PLCD4: variants seen among roughly 807,000 people sequenced by gnomAD.
PLCD4 encodes the protein phospholipase C delta 4.
Under a neutral mutation model 90.2 loss-of-function variants are expected in PLCD4, and 63 were observed. The observed-to-expected ratio is 0.70, with a 90% CI of 0.57 to 0.86. The LOEUF is 0.86. Ranked by LOEUF, PLCD4 falls within the 40% of genes least tolerant of loss-of-function variation. The probability of loss-of-function intolerance (pLI) is 0.00; values close to 1 mark genes in which losing one functional copy is unlikely to be tolerated. For missense variants in PLCD4, 830 were observed against 956.3 expected, an observed-to-expected ratio of 0.87 and a Z score of 1.74; for synonymous variants, 294 against 356.5, an observed-to-expected ratio of 0.82 and a Z score of 1.97.
intron 1 of PLCD4, among the ~76,000 whole-genome samples, chr2:218,611,744 G>A (rs1434734527): frequency 6.6e-6 from 1 of 150,862 alleles, no homozygotes; most frequent in East Asian, 2.0e-4. Context: ...GATTACAGGT[G>A]TGCACCACCA....
At chr2:218,614,703 G>T (rs527479132) in intron 1 of PLCD4, among the ~76,000 whole-genome samples, 3 of 151,490 alleles carry the variant, frequency 2.0e-5, no homozygotes, top group African/African-American at 7.3e-5. Context: ...CGCCAGCCTC[G>T]GCCTCCCAAA....
chr2:218,617,080 T>G (rs1429137086), intron 3 of PLCD4, among the ~76,000 whole-genome samples: 1 of 141,784 alleles, frequency 7.1e-6, no homozygotes, highest in Non-Finnish European at 1.6e-5. Flanking sequence ...TTCTCTTGCC[T>G]CAGCCTTCTG....
intron 8 of PLCD4, 65 bp downstream of exon 8, chr2:218,629,728 G>A (rs1178856410): frequency 6.4e-6 from 10 of 1,564,192 alleles, no homozygotes; most frequent in Non-Finnish European, 8.7e-6. Context: ...GACTGGCTCT[G>A]GGTCTGGGGA....
At chr2:218,632,055 T>G in intron 9 of PLCD4, 81 bp from the exon 10 acceptor site, 3 of 1,433,382 alleles carry the variant, frequency 2.1e-6, no homozygotes, top group South Asian at 1.5e-5. Context: ...CCTCTGCCTT[T>G]GAGAACAATG....
At chr2:218,619,902 G>C (rs1481931168) in intron 4 of PLCD4, among the ~76,000 whole-genome samples, 1 of 152,136 alleles carries the variant, frequency 6.6e-6, no homozygotes, top group Non-Finnish European at 1.5e-5. Context: ...ATTTGAGACA[G>C]GGTCTCACTC....
chr2:218,610,477 C>T (rs1167627616), intron 1 of PLCD4, among the ~76,000 whole-genome samples: 4 of 151,740 alleles, frequency 2.6e-5, no homozygotes, highest in Non-Finnish European at 5.9e-5. Context: ...CACTGCACTC[C>T]AGCCTGGGCG....
chr2:218,613,392 CAAAAAAAAAAAAA>C (rs36096465), intron 1 of PLCD4, among the ~76,000 whole-genome samples: 4 of 76,822 alleles, frequency 5.2e-5, no homozygotes, highest in Non-Finnish European at 9.6e-5. Flanking sequence ...AGTCTGTCTC[CAAAAAAAAAAAAA>C]AAAAAAAAGC....
Position 218,622,860 on chromosome 2 carries a change from T to C in PLCD4, c.754T>C (p.Tyr252His). ...SELALELIDR[Y>H]EPSDSGKLRH... ...GCTTGCTCTGGAACTCATTGACCGC[T>C]ATGAACCTTCAGACAGTGGTAAGAG... is the stretch of plus-strand genomic sequence containing the variant. Residue 252 changes from tyrosine to histidine, a missense_variant, in exon 6 of 16, where the codon TAT (tyrosine) becomes CAT (histidine). Transcript: ENST00000450993. 1 of 1,613,780 alleles carries C rather than the reference T, an allele frequency of 6.2e-7. No individual in the cohort carries two copies. Among genetic ancestry groups the C allele is most frequent in the Non-Finnish European group, 8.5e-7 (1 of 1,179,786 alleles).
In PLCD4 at chr2:218,629,585, C is replaced by T. The variant is rs766646994; in HGVS notation, c.1041C>T (p.Val347=). The T allele has an allele frequency of 1.9e-5, 30 of 1,613,496 alleles. No homozygotes were observed. Among genetic ancestry groups the T allele is most frequent in the African/African-American group, 8.0e-5 (6 of 74,786 alleles). The change falls in exon 8 of 16, where the codon GTC becomes GTT. Residue 347 remains valine (V), a synonymous_variant. Transcript: ENST00000450993. ...GGGATGGACCTAGCGGGGAACCTGT[C>T]GTTTACCACGGACACACCCTGACCT... The part of the protein sequence containing the change: ...DVWDGPSGEP[V]VYHGHTLTSR...
At chr2:218,627,952 G>A in intron 6 of PLCD4, 77 bp from the exon 7 acceptor site, 2 of 1,343,608 alleles carry the variant, frequency 1.5e-6, no homozygotes, top group Non-Finnish European at 2.1e-6. Flanking sequence ...TGGAGTGGGA[G>A]GAAGGATGGA....
chr2:218,635,915 CTA>C lies in PLCD4; in HGVS notation c.2018_2019del (p.Tyr673CysfsTer7). ...TAGACACAGCACGGCAGGAGACCAA[CTA>C]TGTGGAGAACAATGGTGAGAAACTG... is the stretch of plus-strand genomic sequence containing the variant. ...RLDTARQETN[Y>X]VENNGFNPYW... On this transcript the variant is annotated frameshift_variant, in exon 14 of 16. Coordinates refer to ENST00000450993, the MANE Select transcript of PLCD4 (RefSeq NM_032726.4). LOFTEE classifies it high-confidence loss of function. 1.2e-6 allele frequency: 2 copies of C among 1,613,998 alleles called. No homozygotes were observed. The highest frequency in any genetic ancestry group is 1.7e-6 in the Non-Finnish European group (2 of 1,179,900).
In PLCD4 at chr2:218,622,870, C is replaced by T; in HGVS notation, c.764C>T (p.Ser255Leu). 1 of 1,613,306 alleles carries T rather than the reference C, an allele frequency of 6.2e-7. No individual in the cohort carries two copies. Among genetic ancestry groups the T allele is most frequent in the South Asian group, 1.1e-5 (1 of 91,062 alleles). The change falls in exon 6 of 16, where the codon TCA (serine) becomes TTA (leucine). Residue 255 changes from serine to leucine, a missense_variant. Coordinates refer to ENST00000450993, the MANE Select transcript of PLCD4 (RefSeq NM_032726.4). ...GAACTCATTGACCGCTATGAACCTTCAGACAGTGGTAAGAGAAATCAGGTG... is the reference window on the plus strand; with the variant it reads ...GAACTCATTGACCGCTATGAACCTTTAGACAGTGGTAAGAGAAATCAGGTG... ...ALELIDRYEP[S>L]DSGKLRHVLS...
chr2:218,636,392 G>A lies in PLCD4; in HGVS notation c.2182G>A (p.Gly728Ser). ...YTLPWTCMQQ[G>S]YRHIHLLSKD... ...CCTGCCTTGGACCTGCATGCAACAA[G>A]GTGAGCCAGCCCCTTTGGCCCCTGG... The change falls in exon 15 of 16, where the codon GGT becomes AGT. Residue 728 changes from glycine (G) to serine (S), a missense_variant and splice_region_variant. Transcript: ENST00000450993. The A allele has an allele frequency of 6.2e-7, 1 of 1,614,042 alleles. No homozygotes were observed. The highest frequency in any genetic ancestry group is 2.2e-5 in the East Asian group (1 of 44,878).
intron 6 of PLCD4, among the ~76,000 whole-genome samples, chr2:218,627,501 A>T (rs533661709): frequency 9.2e-5 from 14 of 151,804 alleles, no homozygotes; most frequent in Non-Finnish European, 2.1e-4. Flanking sequence ...TCTATTGGAT[A>T]GCACTGGACT....
At chr2:218,635,978 G>T in intron 14 of PLCD4, 47 bp downstream of exon 14, 1 of 1,612,934 alleles carries the variant, frequency 6.2e-7, no homozygotes, top group Admixed American at 1.7e-5. Context: ...AGCATGATTA[G>T]TTTTCCTTCT....
intron 8 of PLCD4, 116 bp downstream of exon 8, chr2:218,629,779 T>A: frequency 8.6e-7 from 1 of 1,161,356 alleles, no homozygotes; most frequent in Non-Finnish European, 1.2e-6. Context: ...AAAGAGGATT[T>A]AACTGTAAAG....
At chr2:218,632,031 C>A in intron 9 of PLCD4, 105 bp from the exon 10 acceptor site, 1 of 1,274,488 alleles carries the variant, frequency 7.8e-7, no homozygotes, top group Non-Finnish European at 1.1e-6. Context: ...GAACTTCCGA[C>A]CACTCACTCA....
intron 3 of PLCD4, 62 bp downstream of exon 3, chr2:218,616,124 A>C: frequency 6.3e-7 from 1 of 1,578,602 alleles, no homozygotes; most frequent in South Asian, 1.1e-5. Context: ...GGAGCCCGGC[A>C]GGGGAGGGAC....
chr2:218,632,532 C>CT (rs3832107), intron 10 of PLCD4, among the ~76,000 whole-genome samples: 38 of 151,594 alleles, frequency 2.5e-4, no homozygotes, highest in African/African-American at 6.0e-4. Context: ...TGGGCCACAT[C>CT]TTTTTTTTTA....
Sources: allele counts gnomAD v4.1 joint callset (sites outside exome capture counted in the v4.1 genomes callset), GRCh38; gene constraint gnomAD v4.1.1; transcripts MANE v1.5; gene names NCBI Gene and HGNC (gene_info 2026-07-23, HGNC 2026-07-21).